YPEL5: variants seen among roughly 807,000 people sequenced by gnomAD.
YPEL5 encodes the protein yippee like 5, also known as protein yippee-like 5.
Under a neutral mutation model 10.5 loss-of-function variants are expected in YPEL5, and 1 was observed. The observed-to-expected ratio is 0.10, with a 90% CI of 0.03 to 0.45. The LOEUF is 0.45. Among genes scored for constraint, YPEL5 ranks in the 20% least tolerant of loss-of-function variants. YPEL5 has a pLI of 0.97. For synonymous variants in YPEL5, 61 were observed against 56.6 expected (o/e 1.08, Z -0.35); for missense variants, 68 against 159.3 (o/e 0.43, Z 3.09).
In YPEL5 at chr2:30,149,874, G is replaced by A. The variant is rs146260951; in HGVS notation, c.-25+2812G>A. On this transcript the variant is annotated intron_variant, in intron 1 of 2. Transcript: ENST00000261353. ...AGTGTGTATTCTATGGAAATGCCCT[G>A]AGGCGATGGTTTCATTTACTAAGGA... is the stretch of plus-strand genomic sequence containing the variant. 5.8e-3 allele frequency among the ~76,000 whole-genome samples: 884 copies of A among 152,362 alleles called. 7 individuals are homozygous for A. Among genetic ancestry groups the A allele is most frequent in the African/African-American group, 0.02 (828 of 41,576 alleles).
chr2:30,156,860 C>A (rs1676060471), intron 2 of YPEL5, 68 bp downstream of exon 2: 5 of 1,556,040 alleles, frequency 3.2e-6, no homozygotes, highest in Non-Finnish European at 4.4e-6. Context: ...ACCAGAATAC[C>A]CCCTCAGAGC....
intron 1 of YPEL5, among the ~76,000 whole-genome samples, chr2:30,154,833 T>C (rs1039302943): frequency 6.6e-6 from 1 of 152,172 alleles, no homozygotes; most frequent in Non-Finnish European, 1.5e-5. Context: ...CTGCCTCCTG[T>C]GTTCAAGCCA....
intron 1 of YPEL5, among the ~76,000 whole-genome samples, chr2:30,154,155 C>G (rs530619386): frequency 1.3e-5 from 2 of 152,302 alleles, no homozygotes; most frequent in Admixed American, 6.5e-5. Flanking sequence ...TCCCAGACCC[C>G]TAGCTGGAGG....
Position 30,160,021 on chromosome 2 carries a change from G to C in YPEL5, c.*1178G>C, listed in dbSNP as rs1235855729. ...CATACAAAGGGATCAAATTTGACCT[G>C]GTGTTATTTTAGCCCCAAATTTATG... On this transcript the variant is annotated 3_prime_UTR_variant, in exon 3 of 3. Transcript: ENST00000261353. 2 of 152,460 alleles carry C rather than the reference G, an allele frequency of 1.3e-5. No individual in the cohort carries two copies. Among genetic ancestry groups the C allele is most frequent in the African/African-American group, 4.8e-5 (2 of 41,376 alleles). 9.4% of individuals were successfully genotyped at this position (152,460 alleles called of 1,614,324 possible).
intron 1 of YPEL5, chr2:30,156,022 C>G (rs761413423): frequency 1.3e-5 from 2 of 152,336 alleles, no homozygotes; most frequent in Non-Finnish European, 2.9e-5. Flanking sequence ...AACAACCTCA[C>G]AGAGCTGTGA....
intron 1 of YPEL5, among the ~76,000 whole-genome samples, chr2:30,151,097 A>G (rs931363253): frequency 2.0e-5 from 3 of 152,206 alleles, no homozygotes; most frequent in Non-Finnish European, 4.4e-5. Context: ...ACAGTCAGCA[A>G]TGAGCCAGAC....
At position 30,160,335 on chromosome 2, in the gene YPEL5, TTAAG is replaced by T. The variant is rs980852210; in HGVS notation, c.*1495_*1498del. 7.2e-5 allele frequency: 11 copies of T among 152,342 alleles called. No individual in the cohort carries two copies. Among genetic ancestry groups the T allele is most frequent in the African/African-American group, 1.7e-4 (7 of 41,590 alleles). 9.4% of individuals were successfully genotyped at this position (152,342 alleles called of 1,614,324 possible). On this transcript the variant is annotated 3_prime_UTR_variant, in exon 3 of 3. Transcript: ENST00000261353. ...GTTGGTTAGAAGCATAGGTAACTGA[TTAAG>T]TAGGTATGATACTGCATTTGAAATA...
At chr2:30,156,553 C>T (rs1676046518) in intron 1 of YPEL5, 75 bp from the exon 2 acceptor site, 2 of 1,378,574 alleles carry the variant, frequency 1.5e-6, no homozygotes, top group Admixed American at 4.0e-5. Context: ...ACAAATTGTT[C>T]TCTATGACAC....
intron 2 of YPEL5, 115 bp from the exon 3 acceptor site, chr2:30,158,504 T>C (rs998243220): frequency 2.0e-6 from 2 of 993,346 alleles, no homozygotes; most frequent in African/African-American, 1.6e-5. Flanking sequence ...TTGACTAAAC[T>C]AACAAGTTCT....
At chr2:30,150,393 G>A (rs1246235292) in intron 1 of YPEL5, among the ~76,000 whole-genome samples, 1 of 152,176 alleles carries the variant, frequency 6.6e-6, no homozygotes, top group Admixed American at 6.5e-5. Flanking sequence ...CCATTTTACA[G>A]ATGAAACAGG....
intron 1 of YPEL5, among the ~76,000 whole-genome samples, chr2:30,151,062 A>T (rs1054519416): frequency 2.6e-5 from 4 of 152,172 alleles, no homozygotes; most frequent in African/African-American, 9.7e-5. Flanking sequence ...GAATTGACCC[A>T]CAGCCTTCCC....
At chr2:30,151,494 A>C (rs1675792533) in intron 1 of YPEL5, among the ~76,000 whole-genome samples, 1 of 152,226 alleles carries the variant, frequency 6.6e-6, no homozygotes. Context: ...TATAAATTTC[A>C]CTTATATTTT....
chr2:30,158,425 T>G (rs1249654578), intron 2 of YPEL5, among the ~76,000 whole-genome samples, 194 bp from the exon 3 acceptor site: 1 of 152,236 alleles, frequency 6.6e-6, no homozygotes, highest in Non-Finnish European at 1.5e-5. Context: ...AGATGTCTAG[T>G]GTAGTGCAAT....
At chr2:30,156,252 A>T (rs564829155) in intron 1 of YPEL5, 5 of 175,464 alleles carry the variant, frequency 2.8e-5, no homozygotes, top group Non-Finnish European at 6.2e-5. Context: ...CTCAGAACGT[A>T]TACTTAACAT....
chr2:30,153,800 G>C (rs555867380), intron 1 of YPEL5, among the ~76,000 whole-genome samples: 11 of 152,290 alleles, frequency 7.2e-5, no homozygotes, highest in African/African-American at 2.4e-4. Flanking sequence ...GTAACATAAG[G>C]TTTTGCTCAG....
Position 30,159,219 on chromosome 2 carries a change from T to G in YPEL5, c.*376T>G, listed in dbSNP as rs1344732538. 1 of 184,318 alleles carries G rather than the reference T, an allele frequency of 5.4e-6. No individual in the cohort carries two copies. The highest frequency in any genetic ancestry group is 5.6e-5 in the Admixed American group (1 of 17,852). 11.4% of individuals were successfully genotyped at this position (184,318 alleles called of 1,614,324 possible). On this transcript the variant is annotated 3_prime_UTR_variant, in exon 3 of 3. Transcript: ENST00000261353. ...AATGTTAGGAGTATGGTTTTTAAACTTGGGCTTCATTTTAAACTTTTTTTT... is the reference window on the plus strand; with the variant it reads ...AATGTTAGGAGTATGGTTTTTAAACGTGGGCTTCATTTTAAACTTTTTTTT...
Position 30,158,920 on chromosome 2 carries a change from T to C in YPEL5, c.*77T>C, listed in dbSNP as rs1037666402. 29 of 1,366,516 alleles carry C rather than the reference T, an allele frequency of 2.1e-5. No individual in the cohort carries two copies. The highest frequency in any genetic ancestry group is 2.8e-5 in the Non-Finnish European group (27 of 978,538). The allele number at this position is 1,366,516 out of a possible 1,614,324, so 84.6% of individuals were successfully genotyped here. On this transcript the variant is annotated 3_prime_UTR_variant, in exon 3 of 3. Transcript: ENST00000261353. ...AATCTACTTACATACACTGTCACCTTAGCATCAGAGTCGGATTAATGAACT... is the reference window on the plus strand; with the variant it reads ...AATCTACTTACATACACTGTCACCTCAGCATCAGAGTCGGATTAATGAACT...
intron 1 of YPEL5, among the ~76,000 whole-genome samples, chr2:30,150,861 A>AT (rs1185024509): frequency 6.6e-6 from 1 of 152,244 alleles, no homozygotes; most frequent in East Asian, 1.9e-4. Context: ...GCAGCTCCTC[A>AT]TACCTCTTCA....
rs1274387653 is a variant in YPEL5 at position 30,159,160 on chromosome 2, GA to G, written c.*322del. The G allele has an allele frequency of 3.9e-6, 1 of 253,236 alleles. No homozygotes were observed. Among genetic ancestry groups the G allele is most frequent in the Non-Finnish European group, 7.6e-6 (1 of 131,908 alleles). The allele number at this position is 253,236 out of a possible 1,614,324, so 15.7% of individuals were successfully genotyped here. A position where few individuals can be genotyped will look rare whatever the true frequency, so the allele number is the denominator to read the frequency against. ...GGAAAAAAATCTGGGCTGTTAGAGT[GA>G]AAAAGTGTGTTTTATGTCAATTGTG... On this transcript the variant is annotated 3_prime_UTR_variant, in exon 3 of 3. Coordinates refer to ENST00000261353, the MANE Select transcript of YPEL5 (RefSeq NM_016061.3).
Sources: allele counts gnomAD v4.1 joint callset (sites outside exome capture counted in the v4.1 genomes callset), GRCh38; gene constraint gnomAD v4.1.1; transcripts MANE v1.5; gene names NCBI Gene and HGNC (gene_info 2026-07-23, HGNC 2026-07-21).